MICAL2: variants seen among roughly 807,000 people sequenced by gnomAD.
The protein encoded by MICAL2 is [F-actin]-monooxygenase MICAL2.
In MICAL2, 77 loss-of-function variants were observed where a neutral mutation model predicts 127.3. The observed-to-expected ratio is 0.60, with a 90% CI of 0.50 to 0.73. The LOEUF (loss-of-function observed/expected upper bound fraction) is 0.73, where lower values mean the gene tolerates loss of function less well. MICAL2 is among the 30% of genes least tolerant of loss of function. The pLI, the probability that MICAL2 is intolerant of heterozygous loss-of-function variation, is 0.00. For synonymous variants in MICAL2, 570 were observed against 551.1 expected (o/e 1.03, Z -0.48); for missense variants, 1,351 against 1,434.4 (o/e 0.94, Z 0.94).
At chr11:12,315,882 A>C (rs1236591288) in intron 29 of MICAL2, among the ~76,000 whole-genome samples, 2 of 152,086 alleles carry the variant, frequency 1.3e-5, no homozygotes, top group South Asian at 2.1e-4. Flanking sequence ...CAGTTTGGTC[A>C]ATTTTTGCTT....
intron 22 of MICAL2, chr11:12,252,384 G>A (rs1359796184): frequency 6.6e-6 from 1 of 152,330 alleles, no homozygotes; most frequent in Non-Finnish European, 1.5e-5. Flanking sequence ...CTGCTCCCAA[G>A]AAGTGGCAGG....
At chr11:12,204,602 G>A in intron 4 of MICAL2, 145 bp downstream of exon 4, 2 of 782,882 alleles carry the variant, frequency 2.6e-6, no homozygotes, top group South Asian at 3.6e-5. Context: ...ACTAGTAAAA[G>A]GCCTGCTTTG....
At chr11:12,337,232 T>G (rs11529522) in intron 32 of MICAL2, among the ~76,000 whole-genome samples, 32,935 of 151,974 alleles carry the variant, frequency 0.22, 4,118 homozygotes, top group African/African-American at 0.33. Context: ...TTTTCTAGTT[T>G]ATTTGCGTAG....
chr11:12,199,458 G>A (rs58112789), intron 3 of MICAL2, among the ~76,000 whole-genome samples: 2 of 152,116 alleles, frequency 1.3e-5, no homozygotes, highest in Non-Finnish European at 2.9e-5. Flanking sequence ...AGGAACACAA[G>A]GGCAGGATTC....
In MICAL2 at chr11:12,262,949, G is replaced by A. The variant is rs138180559; in HGVS notation, c.*17+412G>A. The A allele has an allele frequency of 2.7e-3, 458 of 168,440 alleles. 2 individuals carry two copies. The highest frequency in any genetic ancestry group is 4.5e-3 in the Non-Finnish European group (348 of 77,970). 10.4% of individuals were successfully genotyped at this position (168,440 alleles called of 1,614,324 possible). Reference sequence around the variant, plus strand: ...AGCCTCAAAAAGCTCATACATACCAGCGCCTTCTTAAATTGGCTCTAATGT... The same window carrying A: ...AGCCTCAAAAAGCTCATACATACCAACGCCTTCTTAAATTGGCTCTAATGT... On this transcript the variant is annotated intron_variant, in intron 27 of 27. Coordinates refer to ENST00000683283, the MANE Select transcript of MICAL2 (RefSeq NM_001282663.2).
At chr11:12,168,965 AAAAGAAAAG>A (rs1314700414) in intron 3 of MICAL2, among the ~76,000 whole-genome samples, 4 of 11,774 alleles carry the variant, frequency 3.4e-4, no homozygotes, top group Non-Finnish European at 2.9e-3. Flanking sequence ...AAAAAAAAAG[AAAAGAAAAG>A]AAAAGAGAGA....
At chr11:12,257,114 G>A (rs1862437505) in intron 24 of MICAL2, 143 bp downstream of exon 24, 1 of 870,910 alleles carries the variant, frequency 1.1e-6, no homozygotes, top group Non-Finnish European at 1.7e-6. Flanking sequence ...AGCTGCTCAG[G>A]GAGACTGGGA....
intron 29 of MICAL2, among the ~76,000 whole-genome samples, chr11:12,305,052 A>T (rs1163292395): frequency 6.6e-6 from 1 of 151,716 alleles, no homozygotes; most frequent in East Asian, 1.9e-4. Context: ...CCTTATCCAC[A>T]GGGGGTACGT....
At chr11:12,204,680 A>C (rs1472999933) in intron 4 of MICAL2, among the ~76,000 whole-genome samples, 1 of 152,218 alleles carries the variant, frequency 6.6e-6, no homozygotes, top group Non-Finnish European at 1.5e-5. Flanking sequence ...GGATTGCAGC[A>C]TGCCTTAATC....
chr11:12,346,024 C>T (rs1938948355), intron 32 of MICAL2, among the ~76,000 whole-genome samples: 1 of 152,202 alleles, frequency 6.6e-6, no homozygotes, highest in African/African-American at 2.4e-5. Flanking sequence ...TGTTTTCCAT[C>T]TTCCTCCAGG....
At chr11:12,222,539 G>A in intron 10 of MICAL2, 78 bp from the exon 11 acceptor site, 2 of 1,583,968 alleles carry the variant, frequency 1.3e-6, no homozygotes, top group Non-Finnish European at 1.7e-6. Flanking sequence ...CCAGAGGAAG[G>A]GGGAAGTAGG....
rs181291584 is a variant in MICAL2, at chr11:12,218,747, G to A, written c.949-1454G>A. 3.8e-3 allele frequency among the ~76,000 whole-genome samples: 577 copies of A among 152,314 alleles called. 4 individuals are homozygous for A. The highest frequency in any genetic ancestry group is 0.013 in the African/African-American group (530 of 41,570). Reference sequence around the variant, plus strand: ...TTTGGGCGGTTTGGTTTGAATGGGGGAAATATGAGTTTCCAGAACAGGGTA... The same window carrying A: ...TTTGGGCGGTTTGGTTTGAATGGGGAAAATATGAGTTTCCAGAACAGGGTA... On this transcript the variant is annotated intron_variant, in intron 8 of 27. Coordinates refer to ENST00000683283, the MANE Select transcript of MICAL2 (RefSeq NM_001282663.2).
At chr11:12,263,369 A>G (rs1343045804) in intron 27 of MICAL2, 191 bp from the exon 28 acceptor site, 1 of 152,276 alleles carries the variant, frequency 6.6e-6, no homozygotes, top group African/African-American at 2.4e-5. Context: ...GAAACAACAC[A>G]CCAAGCACCG....
At chr11:12,338,825 C>T (rs2134876705) in intron 32 of MICAL2, among the ~76,000 whole-genome samples, 1 of 152,348 alleles carries the variant, frequency 6.6e-6, no homozygotes, top group South Asian at 2.1e-4. Flanking sequence ...GAGAGATCAG[C>T]TGTTTGTCGG....
intron 11 of MICAL2, 110 bp downstream of exon 11, chr11:12,222,853 C>T (rs1856984795): frequency 4.3e-6 from 6 of 1,382,050 alleles, no homozygotes; most frequent in Non-Finnish European, 3.9e-6. Flanking sequence ...ACTAAGGCCA[C>T]CAAGGCCTGC....
At position 12,257,062 on chromosome 11, in the gene MICAL2, A is replaced by G; in HGVS notation, c.3142+91A>G. 4.5e-6 allele frequency: 6 copies of G among 1,324,114 alleles called. No individual in the cohort carries two copies. In the South Asian group the frequency reaches 8.7e-5, roughly 19 times the overall value. 82.0% of individuals were successfully genotyped at this position (1,324,114 alleles called of 1,614,324 possible). On this transcript the variant is annotated intron_variant, in intron 24 of 27. Coordinates refer to ENST00000683283, the MANE Select transcript of MICAL2 (RefSeq NM_001282663.2). ...TTCCTGTCCCTCTGGTGGCTCTAGGACACCCAAACATACCCAAAAGGAAGT... is the reference window on the plus strand; with the variant it reads ...TTCCTGTCCCTCTGGTGGCTCTAGGGCACCCAAACATACCCAAAAGGAAGT...
chr11:12,139,012 C>G (rs149627491), intron 2 of MICAL2, among the ~76,000 whole-genome samples: 2 of 152,226 alleles, frequency 1.3e-5, no homozygotes, highest in African/African-American at 4.8e-5. Flanking sequence ...CCAGGACTCA[C>G]GTTTTCTGTG....
chr11:12,350,789 G>T (rs1939031149), intron 33 of MICAL2, among the ~76,000 whole-genome samples: 1 of 152,112 alleles, frequency 6.6e-6, no homozygotes, highest in South Asian at 2.1e-4. Flanking sequence ...CGTTTCCTAG[G>T]CTGCAATAAC....
At chr11:12,308,137 G>C (rs949166626) in intron 29 of MICAL2, 3 of 152,252 alleles carry the variant, frequency 2.0e-5, no homozygotes, top group Non-Finnish European at 4.4e-5. Flanking sequence ...TGATCCTCCT[G>C]CCTTGGCTTC....
Sources: allele counts gnomAD v4.1 joint callset (sites outside exome capture counted in the v4.1 genomes callset), GRCh38; gene constraint gnomAD v4.1.1; transcripts MANE v1.5; gene names NCBI Gene and HGNC (gene_info 2026-07-23, HGNC 2026-07-21).